Variants in IQGAP2 observed in about 807,000 individuals in gnomAD.
The protein encoded by IQGAP2 is IQ motif containing GTPase activating protein 2.
A neutral mutation model predicts 201.3 loss-of-function variants in IQGAP2; 173 were observed. The ratio of observed to expected loss-of-function variants is 0.86; its 90% confidence interval spans 0.76 to 0.98. The LOEUF (loss-of-function observed/expected upper bound fraction) is 0.98, where lower values mean the gene tolerates loss of function less well. IQGAP2 is among the 50% of genes least tolerant of loss of function. The pLI is 0.00. For missense variants in IQGAP2, 1,687 were observed against 1,864.8 expected (o/e 0.90, Z 1.76); for synonymous variants, 675 against 673.9 (o/e 1.00, Z -0.03).
chr5:76,520,998 C>T lies in IQGAP2; in HGVS notation c.147-41398C>T, dbSNP rs1319315313. 3.3e-5 allele frequency among the ~76,000 whole-genome samples: 5 copies of T among 151,948 alleles called. No individual in the cohort carries two copies. The East Asian group carries it at 5.8e-4, about 18-fold the overall frequency. ...CTGGGATTACAGGCATGTGCCACCACGCCCGGCCTAGGTCTCTCCTTTTAT... is the reference window on the plus strand; with the variant it reads ...CTGGGATTACAGGCATGTGCCACCATGCCCGGCCTAGGTCTCTCCTTTTAT... On this transcript the variant is annotated intron_variant, in intron 2 of 35. Transcript: ENST00000274364.
chr5:76,622,172 C>T (rs1026143429), intron 13 of IQGAP2, among the ~76,000 whole-genome samples: 4 of 152,100 alleles, frequency 2.6e-5, no homozygotes, highest in African/African-American at 4.8e-5. Context: ...TTCAGAGGCC[C>T]CCGTTTTCAC....
At chr5:76,550,841 T>C (rs1341023020) in intron 2 of IQGAP2, among the ~76,000 whole-genome samples, 1 of 152,254 alleles carries the variant, frequency 6.6e-6, no homozygotes, top group East Asian at 1.9e-4. Context: ...ATCGTCATCA[T>C]GGCCCGTTCT....
At chr5:76,637,518 A>T (rs1751243424) in intron 16 of IQGAP2, among the ~76,000 whole-genome samples, 1 of 152,178 alleles carries the variant, frequency 6.6e-6, no homozygotes, top group African/African-American at 2.4e-5. Flanking sequence ...TTTAAAAGGT[A>T]TTTCTTTCCC....
intron 28 of IQGAP2, among the ~76,000 whole-genome samples, chr5:76,678,425 TA>T (rs112438447): frequency 0.027 from 3,888 of 143,294 alleles, 170 homozygotes; most frequent in African/African-American, 0.089. Context: ...ACATTAAAAT[TA>T]AAAAAAAAAA....
intron 15 of IQGAP2, among the ~76,000 whole-genome samples, chr5:76,632,877 T>C (rs941560249): frequency 4.6e-5 from 7 of 152,196 alleles, no homozygotes; most frequent in African/African-American, 7.2e-5. Flanking sequence ...GTACTTGTTT[T>C]CAAGTTTCAT....
At chr5:76,702,094 C>T (rs1437741084) in intron 34 of IQGAP2, among the ~76,000 whole-genome samples, 4 of 152,226 alleles carry the variant, frequency 2.6e-5, no homozygotes, top group Non-Finnish European at 4.4e-5. Flanking sequence ...CAGGCGTGAG[C>T]GACTGCGCCT....
chr5:76,562,618 C>A, intron 3 of IQGAP2, 66 bp downstream of exon 3: 1 of 1,396,740 alleles, frequency 7.2e-7, no homozygotes, highest in South Asian at 1.2e-5. Context: ...CATATCCTCT[C>A]CCTTCTTTTA....
chr5:76,639,435 A>G (rs907647931), intron 16 of IQGAP2, among the ~76,000 whole-genome samples: 1 of 152,226 alleles, frequency 6.6e-6, no homozygotes, highest in African/African-American at 2.4e-5. Flanking sequence ...GGTACTTTAA[A>G]AAGTGAGTAA....
intron 2 of IQGAP2, among the ~76,000 whole-genome samples, chr5:76,533,053 C>T (rs1038603493): frequency 1.3e-5 from 2 of 152,232 alleles, no homozygotes. Context: ...GAATGGGGAT[C>T]TCAGTGCAGC....
At chr5:76,429,067 A>G (rs1436829156) in intron 1 of IQGAP2, among the ~76,000 whole-genome samples, 1 of 92,136 alleles carries the variant, frequency 1.1e-5, no homozygotes. Flanking sequence ...TGACAGCGAG[A>G]CTCTGTCTCA....
intron 2 of IQGAP2, among the ~76,000 whole-genome samples, chr5:76,538,313 C>G (rs1412186569): frequency 2.0e-5 from 3 of 151,974 alleles, no homozygotes; most frequent in African/African-American, 4.8e-5. Context: ...GTGGAAGTGA[C>G]AATTCAAGAT....
intron 22 of IQGAP2, among the ~76,000 whole-genome samples, chr5:76,667,568 C>T (rs1382461146): frequency 6.6e-6 from 1 of 152,138 alleles, no homozygotes; most frequent in East Asian, 1.9e-4. Context: ...AAGGCTGGTT[C>T]TGTATCCAAT....
chr5:76,640,008 C>T (rs1373994871), intron 16 of IQGAP2, among the ~76,000 whole-genome samples: 1 of 152,128 alleles, frequency 6.6e-6, no homozygotes, highest in Non-Finnish European at 1.5e-5. Flanking sequence ...ATGTGGCATC[C>T]CAAGATATAC....
At chr5:76,619,765 G>A (rs754889171) in intron 13 of IQGAP2, among the ~76,000 whole-genome samples, 40 of 151,994 alleles carry the variant, frequency 2.6e-4, no homozygotes, top group Non-Finnish European at 5.3e-4. Flanking sequence ...TGATCTGCCC[G>A]CCTCGGCCAC....
intron 30 of IQGAP2, among the ~76,000 whole-genome samples, chr5:76,690,737 A>T (rs942257495): frequency 3.3e-5 from 5 of 152,238 alleles, no homozygotes; most frequent in Admixed American, 3.3e-4. Context: ...TAATAAATGT[A>T]AAAAATTGAT....
At chr5:76,477,808 T>C (rs1237941055) in intron 2 of IQGAP2, among the ~76,000 whole-genome samples, 1 of 152,110 alleles carries the variant, frequency 6.6e-6, no homozygotes, top group African/African-American at 2.4e-5. Context: ...TTGATGATCC[T>C]GACTCATGTG....
intron 2 of IQGAP2, among the ~76,000 whole-genome samples, chr5:76,532,673 T>C (rs1759382054): frequency 6.6e-6 from 1 of 152,196 alleles, no homozygotes. Context: ...CCTGCCACTG[T>C]GATCATGTTG....
chr5:76,633,269 G>A (rs1410692071), intron 15 of IQGAP2, among the ~76,000 whole-genome samples: 3 of 152,152 alleles, frequency 2.0e-5, no homozygotes, highest in Non-Finnish European at 4.4e-5. Flanking sequence ...ACTTTTGTCA[G>A]CTGAGATCAT....
intron 2 of IQGAP2, among the ~76,000 whole-genome samples, chr5:76,519,019 A>G (rs890566201): frequency 6.6e-6 from 1 of 152,204 alleles, no homozygotes; most frequent in Non-Finnish European, 1.5e-5. Flanking sequence ...TACCATCCTA[A>G]CAAACCCAAC....
Sources: allele counts gnomAD v4.1 joint callset (sites outside exome capture counted in the v4.1 genomes callset), GRCh38; gene constraint gnomAD v4.1.1; transcripts MANE v1.5; gene names NCBI Gene and HGNC (gene_info 2026-07-23, HGNC 2026-07-21).